Variants in EDARADD observed in about 807,000 individuals in gnomAD.
The protein encoded by EDARADD is ectodysplasin-A receptor-associated adapter protein.
Under a neutral mutation model 25.6 loss-of-function variants are expected in EDARADD, and 20 were observed. That is an observed-to-expected ratio of 0.78 (90% CI 0.55 to 1.14). EDARADD has a LOEUF of 1.14. Among genes scored for constraint, EDARADD ranks in the 50% most tolerant of loss-of-function variants. EDARADD has a pLI of 0.00. For missense variants in EDARADD, 225 were observed against 270.1 expected (o/e 0.83, Z 1.17); for synonymous variants, 86 against 94.4 (o/e 0.91, Z 0.52).
In EDARADD at chr1:236,484,727, A is replaced by C; in HGVS notation, c.*2078A>C. On this transcript the variant is annotated 3_prime_UTR_variant, in exon 6 of 6. Transcript: ENST00000334232. This position sits in a 1 kb window ranked among gnomAD's most constrained non-coding sequence, Gnocchi z 4.1. ...GTCCCAGAAAAAAAAAAAAAAAAAA[A>C]GAACTTCTACAGAAGCCAAGCTCCC... 1 of 298,090 alleles carries C rather than the reference A, an allele frequency of 3.4e-6. No homozygotes were observed. Among genetic ancestry groups the C allele is most frequent in the Non-Finnish European group, 6.4e-6 (1 of 156,148 alleles). 18.5% of individuals were successfully genotyped at this position (298,090 alleles called of 1,614,324 possible).
chr1:236,428,902 G>A (rs1658011977), intron 4 of EDARADD, among the ~76,000 whole-genome samples: 1 of 152,086 alleles, frequency 6.6e-6, no homozygotes, highest in Admixed American at 6.5e-5. Context: ...GGGAGGCCGA[G>A]GCTGGCAGAT....
At chr1:236,385,705 CAA>C (rs1318292126) in intron 3 of EDARADD, among the ~76,000 whole-genome samples, 4 of 141,694 alleles carry the variant, frequency 2.8e-5, no homozygotes, top group African/African-American at 1.0e-4. Context: ...GCTTGGGCGA[CAA>C]GAGCGAAACT....
intron 4 of EDARADD, among the ~76,000 whole-genome samples, chr1:236,438,356 A>G (rs948155258): frequency 2.0e-5 from 3 of 152,234 alleles, no homozygotes; most frequent in Admixed American, 1.3e-4. Context: ...CAATAATAAT[A>G]ACAGCGCATT....
intron 1 of EDARADD, among the ~76,000 whole-genome samples, chr1:236,406,170 T>C (rs879447924): frequency 1.2e-4 from 18 of 151,644 alleles, no homozygotes; most frequent in Non-Finnish European, 2.5e-4. Context: ...TACCCTGTAG[T>C]GAAGATGAAA....
chr1:236,353,678 CAAAAA>C (rs34798233), intron 3 of EDARADD, among the ~76,000 whole-genome samples: 1 of 78,738 alleles, frequency 1.3e-5, no homozygotes, highest in Non-Finnish European at 2.5e-5. Context: ...ACTCCAACTC[CAAAAA>C]AAAAAAAAAA....
rs1479803869 is a variant in EDARADD at position 236,484,920 on chromosome 1, A to G, written c.*2271A>G. 2 of 158,576 alleles carry G rather than the reference A, an allele frequency of 1.3e-5. No homozygotes were observed. The highest frequency in any genetic ancestry group is 2.8e-5 in the Non-Finnish European group (2 of 71,950). The allele number at this position is 158,576 out of a possible 1,614,324, so 9.8% of individuals were successfully genotyped here. A position where few individuals can be genotyped will look rare whatever the true frequency, so the allele number is the denominator to read the frequency against. ...ACCCATGAGAAAAAAGAAAACAGCA[A>G]TGAGAAGTGACCCTGTCTTGTTGGT... is the stretch of plus-strand genomic sequence containing the variant. On this transcript the variant is annotated 3_prime_UTR_variant, in exon 6 of 6. Transcript: ENST00000334232. The surrounding 1 kb of genome is among the most constrained non-coding windows in gnomAD (Gnocchi z 4.1).
intron 4 of EDARADD, among the ~76,000 whole-genome samples, chr1:236,462,487 C>T (rs566852604): frequency 2.0e-5 from 3 of 152,108 alleles, no homozygotes; most frequent in South Asian, 2.1e-4. Flanking sequence ...TCAATCTATC[C>T]GTGTCTCCCG....
Position 236,483,827 on chromosome 1 carries a change from A to T in EDARADD, c.*1178A>T. 7.0e-7 allele frequency: 1 copy of T among 1,435,956 alleles called. No individual in the cohort carries two copies. 89.0% of individuals were successfully genotyped at this position (1,435,956 alleles called of 1,614,324 possible). A position where few individuals can be genotyped will look rare whatever the true frequency, so the allele number is the denominator to read the frequency against. ...TTGCTCCCAACATCCTGGAGAATAAAGAAGGCCTGGAGCTGCTGAAGACTG... is the reference window on the plus strand; with the variant it reads ...TTGCTCCCAACATCCTGGAGAATAATGAAGGCCTGGAGCTGCTGAAGACTG... On this transcript the variant is annotated 3_prime_UTR_variant, in exon 6 of 6. Coordinates refer to ENST00000334232, the MANE Select transcript of EDARADD (RefSeq NM_145861.4).
intron 4 of EDARADD, among the ~76,000 whole-genome samples, chr1:236,454,891 A>G (rs978726191): frequency 6.6e-6 from 1 of 152,164 alleles, no homozygotes; most frequent in African/African-American, 2.4e-5. Context: ...CAAAACTGGG[A>G]GATGGAAGGG....
At chr1:236,408,093 C>A (rs667675) in intron 1 of EDARADD, among the ~76,000 whole-genome samples, 69,165 of 152,012 alleles carry the variant, frequency 0.45, 17,520 homozygotes, top group Non-Finnish European at 0.58. Context: ...TAATGTGATG[C>A]CTGCATAGTT....
chr1:236,379,647 C>T (rs58037763), intron 3 of EDARADD, among the ~76,000 whole-genome samples: 9,146 of 151,764 alleles, frequency 0.06, 613 homozygotes, highest in East Asian at 0.3. Flanking sequence ...GATGTGGTGG[C>T]GGGCACCTGT....
intron 1 of EDARADD, among the ~76,000 whole-genome samples, chr1:236,399,704 T>C (rs1667582146): frequency 1.3e-5 from 2 of 152,230 alleles, no homozygotes; most frequent in South Asian, 2.1e-4. Context: ...ACAGATAGAT[T>C]TTACAGACAG....
In EDARADD at chr1:236,413,403, C is replaced by G. The variant is rs185702076; in HGVS notation, c.121-857C>G. 1.7e-3 allele frequency among the ~76,000 whole-genome samples: 256 copies of G among 152,292 alleles called. 4 individuals are homozygous for G. Among genetic ancestry groups the G allele is most frequent in the South Asian group, 0.016 (79 of 4,824 alleles). Reference sequence around the variant, plus strand: ...GGCACTTAAAACAAAACCCTCGATTCTCCATTTCTTTCTCTCTCTCCTCTC... The same window carrying G: ...GGCACTTAAAACAAAACCCTCGATTGTCCATTTCTTTCTCTCTCTCCTCTC... On this transcript the variant is annotated intron_variant, in intron 2 of 5. Transcript: ENST00000334232.
intron 3 of EDARADD, among the ~76,000 whole-genome samples, chr1:236,355,436 T>A (rs1457260587): frequency 4.0e-5 from 6 of 151,570 alleles, no homozygotes; most frequent in Admixed American, 6.6e-5. Flanking sequence ...TGCTAATGCA[T>A]CCTGTGCATG....
chr1:236,381,309 AT>A (rs1327032915), intron 3 of EDARADD, among the ~76,000 whole-genome samples: 1 of 151,572 alleles, frequency 6.6e-6, no homozygotes, highest in African/African-American at 2.4e-5. Flanking sequence ...ATTCATTTTT[AT>A]TTTTATTTTA....
intron 3 of EDARADD, among the ~76,000 whole-genome samples, chr1:236,366,544 C>A (rs76830714): frequency 0.044 from 6,619 of 151,948 alleles, 213 homozygotes; most frequent in Middle Eastern, 0.088. Flanking sequence ...GAAGGAAACC[C>A]TCCACGGATC....
In EDARADD at chr1:236,482,300, G is replaced by T; in HGVS notation, c.299G>T (p.Cys100Phe). The T allele has an allele frequency of 6.2e-7, 1 of 1,614,094 alleles. No homozygotes were observed. Among genetic ancestry groups the T allele is most frequent in the Non-Finnish European group, 8.5e-7 (1 of 1,180,042 alleles). The stretch of plus-strand genomic sequence containing the variant: ...AAGGACAACTCCTGCAAAGAAAACT[G>T]TACTTGTTCCTCCTGCTTGCTCCGG... ...ISKDNSCKENCTCSSCLLRAP... is the reference protein window; with the variant it reads ...ISKDNSCKENFTCSSCLLRAP... The change falls in exon 6 of 6, where the codon TGT (cysteine) becomes TTT (phenylalanine). Residue 100 changes from cysteine (C) to phenylalanine (F), a missense_variant. Coordinates refer to ENST00000334232, the MANE Select transcript of EDARADD (RefSeq NM_145861.4).
chr1:236,393,272 GTCAC>G (rs903165902), upstream of EDARADD, among the ~76,000 whole-genome samples: 2 of 152,004 alleles, frequency 1.3e-5, no homozygotes, highest in Non-Finnish European at 2.9e-5. Flanking sequence ...AAAATTGGAG[GTCAC>G]TCAAAGAGCA....
intron 4 of EDARADD, among the ~76,000 whole-genome samples, chr1:236,428,909 A>G (rs1384346762): frequency 1.3e-5 from 2 of 152,112 alleles, no homozygotes; most frequent in Non-Finnish European, 2.9e-5. Flanking sequence ...CGAGGCTGGC[A>G]GATCACTCGC....
Sources: gnomAD v4.1 joint callset for allele counts (sites outside exome capture counted in the v4.1 genomes callset) on GRCh38, gnomAD v4.1.1 for gene constraint, Gnocchi (gnomAD v3.1) non-coding constraint, MANE v1.5 for transcripts, NCBI Gene and HGNC (gene_info 2026-07-23, HGNC 2026-07-21) for gene names.